Variants in ERBB4 observed in about 807,000 individuals in gnomAD.
ERBB4 encodes receptor tyrosine-protein kinase erbB-4.
ERBB4 carries 42 observed loss-of-function variants against 158.0 expected under a neutral mutation model. That is an observed-to-expected ratio of 0.27 (90% CI 0.21 to 0.34). ERBB4 has a LOEUF of 0.34. ERBB4 is among the 10% of genes least tolerant of loss of function. The pLI, the probability that ERBB4 is intolerant of heterozygous loss-of-function variation, is 1.00. For synonymous variants in ERBB4, 583 were observed against 558.7 expected (o/e 1.04, Z -0.61); for missense variants, 1,333 against 1,624.1 (o/e 0.82, Z 3.08).
At chr2:212,265,389 T>C (rs2085094722) in intron 1 of ERBB4, among the ~76,000 whole-genome samples, 1 of 149,986 alleles carries the variant, frequency 6.7e-6, no homozygotes, top group Non-Finnish European at 1.5e-5. Context: ...TAATGAGATA[T>C]CAATTATTAG....
intron 1 of ERBB4, among the ~76,000 whole-genome samples, chr2:212,497,583 G>A (rs1043603389): frequency 6.6e-6 from 1 of 152,128 alleles, no homozygotes; most frequent in Non-Finnish European, 1.5e-5. Flanking sequence ...GGTCTAGAAA[G>A]CCAACCACCT....
At chr2:212,378,364 A>C (rs2090396123) in intron 1 of ERBB4, among the ~76,000 whole-genome samples, 1 of 151,904 alleles carries the variant, frequency 6.6e-6, no homozygotes, top group Non-Finnish European at 1.5e-5. Context: ...CCCTGCATTG[A>C]GCATTAAAAT....
chr2:211,378,217 C>T lies in ERBB4; in HGVS notation c.*5398G>A, dbSNP rs946049599. On this transcript the variant is annotated 3_prime_UTR_variant, in exon 28 of 28. Transcript: ENST00000342788. ...TGATTCCTAACAAGGTAATCACTTA[C>T]TTGCAAAGCTGACTGTCAAAGAGTA... 4.3e-6 allele frequency: 1 copy of T among 233,024 alleles called. No individual in the cohort carries two copies. Among genetic ancestry groups the T allele is most frequent in the East Asian group, 6.0e-5 (1 of 16,548 alleles). The allele number at this position is 233,024 out of a possible 1,614,324, so 14.4% of individuals were successfully genotyped here.
At chr2:212,245,919 G>T (rs2084291086) in intron 1 of ERBB4, among the ~76,000 whole-genome samples, 1 of 152,120 alleles carries the variant, frequency 6.6e-6, no homozygotes, top group Admixed American at 6.6e-5. Context: ...TATTTTAAAT[G>T]ATTTCTATGG....
intron 4 of ERBB4, among the ~76,000 whole-genome samples, chr2:211,762,682 T>A (rs911139211): frequency 7.2e-5 from 11 of 152,138 alleles, no homozygotes; most frequent in African/African-American, 2.4e-4. Context: ...TTGTGAGTGG[T>A]GTCACATTTG....
intron 2 of ERBB4, among the ~76,000 whole-genome samples, chr2:212,005,191 T>C (rs937267205): frequency 6.6e-6 from 1 of 152,132 alleles, no homozygotes; most frequent in Non-Finnish European, 1.5e-5. Flanking sequence ...GCAGGAAATC[T>C]TTTTGAATCC....
intron 1 of ERBB4, among the ~76,000 whole-genome samples, chr2:212,308,189 ATG>A (rs2086885387): frequency 6.6e-6 from 1 of 151,196 alleles, no homozygotes; most frequent in East Asian, 2.0e-4. Flanking sequence ...ACCGTCTGGC[ATG>A]TAATAGGTAT....
At chr2:212,342,155 T>G (rs923422384) in intron 1 of ERBB4, among the ~76,000 whole-genome samples, 7 of 152,136 alleles carry the variant, frequency 4.6e-5, no homozygotes, top group African/African-American at 1.7e-4. Flanking sequence ...TCCCAGCTAT[T>G]TGGGAGGCTG....
At chr2:212,016,154 A>T (rs1039260145) in intron 2 of ERBB4, among the ~76,000 whole-genome samples, 17 of 150,828 alleles carry the variant, frequency 1.1e-4, no homozygotes, top group African/African-American at 2.2e-4. Context: ...ATATATATAT[A>T]TTTTAACTTT....
At chr2:212,381,924 C>T (rs532297010) in intron 1 of ERBB4, among the ~76,000 whole-genome samples, 25 of 150,966 alleles carry the variant, frequency 1.7e-4, no homozygotes, top group Admixed American at 6.0e-4. Context: ...ACATTAAAAA[C>T]AGTTTCCCAT....
chr2:211,443,680 C>G (rs542130490), intron 20 of ERBB4, among the ~76,000 whole-genome samples: 1 of 152,042 alleles, frequency 6.6e-6, no homozygotes, highest in South Asian at 2.1e-4. Flanking sequence ...TGGGACAAGA[C>G]TTCCCAAACT....
intron 1 of ERBB4, among the ~76,000 whole-genome samples, chr2:212,537,419 T>G (rs1162134968): frequency 6.6e-6 from 1 of 151,924 alleles, no homozygotes; most frequent in Non-Finnish European, 1.5e-5. Context: ...AACTTTGAGC[T>G]CCATTGCACT....
At chr2:211,653,027 C>A (rs912629779) in intron 16 of ERBB4, among the ~76,000 whole-genome samples, 2 of 151,966 alleles carry the variant, frequency 1.3e-5, no homozygotes, top group Non-Finnish European at 2.9e-5. Context: ...GGATTAGAAT[C>A]AAATATTCTA....
intron 1 of ERBB4, among the ~76,000 whole-genome samples, chr2:212,301,688 C>T (rs546980747): frequency 6.6e-6 from 1 of 151,324 alleles, no homozygotes; most frequent in African/African-American, 2.4e-5. Context: ...CACTTCTAGG[C>T]ATTACCGTTT....
intron 2 of ERBB4, among the ~76,000 whole-genome samples, chr2:212,019,384 G>T (rs1050563286): frequency 3.3e-5 from 5 of 151,884 alleles, no homozygotes; most frequent in African/African-American, 7.3e-5. Flanking sequence ...AGCATTTAAG[G>T]TTATCTACAA....
chr2:211,737,882 T>A (rs2074653987), intron 5 of ERBB4, among the ~76,000 whole-genome samples: 1 of 152,164 alleles, frequency 6.6e-6, no homozygotes, highest in South Asian at 2.1e-4. Flanking sequence ...TTCTGCTGTA[T>A]TATTTTTTAA....
At chr2:211,526,061 G>A (rs76588219) in intron 20 of ERBB4, among the ~76,000 whole-genome samples, 12,737 of 152,108 alleles carry the variant, frequency 0.084, 668 homozygotes, top group African/African-American at 0.15. Flanking sequence ...TGGCTGGCTT[G>A]CCACCTGCTG....
At chr2:212,486,328 T>G (rs1194192204) in intron 1 of ERBB4, among the ~76,000 whole-genome samples, 1 of 140,628 alleles carries the variant, frequency 7.1e-6, no homozygotes, top group African/African-American at 2.8e-5. Context: ...TAATGCAAGA[T>G]TTTTATTAGA....
At chr2:212,179,256 C>A (rs986288196) in intron 1 of ERBB4, among the ~76,000 whole-genome samples, 2 of 151,050 alleles carry the variant, frequency 1.3e-5, no homozygotes, top group Non-Finnish European at 3.0e-5. Context: ...GATGACTCTT[C>A]GAGGAGGACA....
Sources: allele counts gnomAD v4.1 joint callset (sites outside exome capture counted in the v4.1 genomes callset), GRCh38; gene constraint gnomAD v4.1.1; transcripts MANE v1.5; gene names NCBI Gene and HGNC (gene_info 2026-07-23, HGNC 2026-07-21).